Variants in LIMS1 observed in about 807,000 individuals in gnomAD.
LIMS1 encodes LIM and senescent cell antigen-like-containing domain protein 1.
Under a neutral mutation model 44.1 loss-of-function variants are expected in LIMS1, and 18 were observed. The ratio of observed to expected loss-of-function variants is 0.41; its 90% CI spans 0.28 to 0.61. The LOEUF (loss-of-function observed/expected upper bound fraction) is 0.61. Among genes scored for constraint, LIMS1 ranks in the 20% least tolerant of loss-of-function variants. The pLI is 0.32. For synonymous variants in LIMS1, 93 were observed against 149.1 expected, an observed-to-expected ratio of 0.62 and a Z score of 2.74; for missense variants, 201 against 422.0, an observed-to-expected ratio of 0.48 and a Z score of 4.59.
intron 1 of LIMS1, among the ~76,000 whole-genome samples, chr2:108,557,565 A>G (rs1323924387): frequency 6.6e-6 from 1 of 151,644 alleles, no homozygotes; most frequent in Non-Finnish European, 1.5e-5. Flanking sequence ...TGCCCTGGCT[A>G]GAGTGCAGTG....
intron 1 of LIMS1, among the ~76,000 whole-genome samples, chr2:108,624,269 T>C (rs960224526): frequency 6.6e-6 from 1 of 152,234 alleles, no homozygotes; most frequent in Non-Finnish European, 1.5e-5. Flanking sequence ...TATTCTATCT[T>C]TTAAATTATG....
rs1692612428 is a variant in LIMS1, at chr2:108,677,028, C to T, written c.774+330C>T. 1.2e-5 allele frequency: 3 copies of T among 241,588 alleles called. No homozygotes were observed. The South Asian group carries it at 2.9e-4, about 23-fold the overall frequency. 15.0% of individuals were successfully genotyped at this position (241,588 alleles called of 1,614,324 possible). A position where few individuals can be genotyped will look rare whatever the true frequency, so the allele number is the denominator to read the frequency against. On this transcript the variant is annotated intron_variant, in intron 7 of 9. Coordinates refer to ENST00000544547, the Ensembl canonical transcript of LIMS1. ...CATACTCCTTTATCCCTAAATACTTCAGTGTATATTTCCCAAGAATATGGG... is the reference window on the plus strand; with the variant it reads ...CATACTCCTTTATCCCTAAATACTTTAGTGTATATTTCCCAAGAATATGGG...
At chr2:108,660,395 T>C (rs1441820763) in intron 2 of LIMS1, 11 of 446,738 alleles carry the variant, frequency 2.5e-5, no homozygotes, top group Non-Finnish European at 4.5e-5. Context: ...GTGTATTTGG[T>C]ATTTTCAACA....
At chr2:108,575,538 G>T (rs1335350177) in intron 1 of LIMS1, among the ~76,000 whole-genome samples, 1 of 152,052 alleles carries the variant, frequency 6.6e-6, no homozygotes, top group African/African-American at 2.4e-5. Context: ...TTAATGTGGA[G>T]GCCCTTTTGC....
chr2:108,628,614 C>T (rs1481463615), intron 1 of LIMS1, among the ~76,000 whole-genome samples: 1 of 152,112 alleles, frequency 6.6e-6, no homozygotes, highest in South Asian at 2.1e-4. Flanking sequence ...ATTACAGGCG[C>T]ACCACCACGC....
intron 1 of LIMS1, among the ~76,000 whole-genome samples, chr2:108,564,353 A>T (rs912994899): frequency 1.3e-5 from 2 of 152,236 alleles, no homozygotes; most frequent in Non-Finnish European, 2.9e-5. Flanking sequence ...ATAATTTTAT[A>T]TGCACTGAGA....
chr2:108,571,311 T>C (rs1161425389), intron 1 of LIMS1, among the ~76,000 whole-genome samples: 1 of 152,156 alleles, frequency 6.6e-6, no homozygotes, highest in Non-Finnish European at 1.5e-5. Flanking sequence ...GAGCTAAAGA[T>C]TATGTAAACT....
intron 1 of LIMS1, among the ~76,000 whole-genome samples, chr2:108,600,472 C>T (rs1686946712): frequency 6.6e-6 from 1 of 152,218 alleles, no homozygotes; most frequent in Non-Finnish European, 1.5e-5. Context: ...GTTTGCCAGA[C>T]ATTTCCTTAT....
chr2:108,611,900 A>T (rs1029029560), intron 1 of LIMS1, among the ~76,000 whole-genome samples: 4 of 146,254 alleles, frequency 2.7e-5, no homozygotes, highest in Admixed American at 6.9e-5. Flanking sequence ...ACACACATAT[A>T]TAAAATATAC....
At chr2:108,578,014 A>T (rs1685734664) in intron 1 of LIMS1, among the ~76,000 whole-genome samples, 2 of 152,128 alleles carry the variant, frequency 1.3e-5, no homozygotes, top group Admixed American at 1.3e-4. Flanking sequence ...GGTTCAAGTG[A>T]TTCTCCTGCC....
chr2:108,676,496 C>G, intron 6 of LIMS1, 110 bp from the exon 7 acceptor site: 2 of 1,308,328 alleles, frequency 1.5e-6, no homozygotes, highest in Non-Finnish European at 2.1e-6. Context: ...AATGAAATGA[C>G]TGTCTCAAAC....
At chr2:108,578,107 C>T (rs772436952) in intron 1 of LIMS1, among the ~76,000 whole-genome samples, 2 of 152,150 alleles carry the variant, frequency 1.3e-5, no homozygotes, top group Non-Finnish European at 2.9e-5. Context: ...GATGGGGTTT[C>T]ACCATCTTGG....
At chr2:108,637,703 G>A (rs1689370863) in intron 1 of LIMS1, among the ~76,000 whole-genome samples, 1 of 152,208 alleles carries the variant, frequency 6.6e-6, no homozygotes, top group South Asian at 2.1e-4. Flanking sequence ...AGCTGTTTAG[G>A]TGTGAGAATG....
intron 1 of LIMS1, among the ~76,000 whole-genome samples, chr2:108,557,426 T>C (rs999842193): frequency 1.3e-5 from 2 of 151,962 alleles, no homozygotes; most frequent in African/African-American, 4.8e-5. Flanking sequence ...ACTTGGTAAT[T>C]TTAACATGGA....
chr2:108,645,589 C>T lies in LIMS1; in HGVS notation c.33-14016C>T, dbSNP rs1052692685. On this transcript the variant is annotated intron_variant, in intron 1 of 9. Coordinates refer to ENST00000544547, the Ensembl canonical transcript of LIMS1. The stretch of plus-strand genomic sequence containing the variant: ...GCTGTGAAGAAACTGCATCAACTAA[C>T]GGGCCAAAATAACAGCTAGCATCAT... Among the ~76,000 whole-genome samples the T allele has an allele frequency of 4.6e-5, 7 of 152,126 alleles. No homozygotes were observed. The East Asian group carries it at 5.8e-4, about 13-fold the overall frequency.
chr2:108,681,728 C>A, intron 9 of LIMS1: 1 of 303,724 alleles, frequency 3.3e-6, no homozygotes, highest in Non-Finnish European at 4.8e-6. Context: ...TGAGACCAGC[C>A]TGGACTACAT....
At chr2:108,600,667 A>G (rs1386111905) in intron 1 of LIMS1, among the ~76,000 whole-genome samples, 2 of 152,160 alleles carry the variant, frequency 1.3e-5, no homozygotes, top group Non-Finnish European at 2.9e-5. Context: ...TTTATGGAAA[A>G]TGACTTCACT....
intron 1 of LIMS1, among the ~76,000 whole-genome samples, chr2:108,539,231 A>G (rs1275852584): frequency 2.0e-5 from 3 of 152,170 alleles, no homozygotes; most frequent in Non-Finnish European, 4.4e-5. Flanking sequence ...CAACAGGTAC[A>G]TGCCACTATG....
intron 1 of LIMS1, among the ~76,000 whole-genome samples, chr2:108,585,353 G>A (rs867587765): frequency 3.9e-5 from 6 of 152,004 alleles, no homozygotes; most frequent in Admixed American, 1.3e-4. Context: ...AGGAGGCTGC[G>A]GCATGCCTGC....
Sources: gnomAD v4.1 joint callset for allele counts (sites outside exome capture counted in the v4.1 genomes callset) on GRCh38, gnomAD v4.1.1 for gene constraint, MANE v1.5 for transcripts, NCBI Gene and HGNC (gene_info 2026-07-23, HGNC 2026-07-21) for gene names.